USO1: variants seen among roughly 807,000 people sequenced by gnomAD.
USO1 encodes the protein general vesicular transport factor p115.
Under a neutral mutation model 124.5 loss-of-function variants are expected in USO1, and 57 were observed. The observed-to-expected ratio is 0.46, with a 90% confidence interval of 0.37 to 0.57. USO1 has a LOEUF of 0.57. USO1 is among the 20% of genes least tolerant of loss of function. USO1 has a pLI of 0.00. For missense variants in USO1, 900 were observed against 1,040.6 expected (o/e 0.86, Z 1.86); for synonymous variants, 369 against 362.8 (o/e 1.02, Z -0.19).
At chr4:75,725,011 C>G (rs752245468) in intron 1 of USO1, 126 bp downstream of exon 1, 8 of 923,986 alleles carry the variant, frequency 8.7e-6, no homozygotes, top group African/African-American at 5.0e-5. Context: ...GCCGCCTCCC[C>G]CTTTGCCCTC....
chr4:75,754,249 A>T (rs1222947073), intron 3 of USO1, among the ~76,000 whole-genome samples: 1 of 151,502 alleles, frequency 6.6e-6, no homozygotes, highest in Non-Finnish European at 1.5e-5. Context: ...ATGCCTGGCT[A>T]ATTTTGTATG....
intron 22 of USO1, among the ~76,000 whole-genome samples, chr4:75,811,193 C>G (rs945969244): frequency 6.7e-6 from 1 of 148,692 alleles, no homozygotes; most frequent in Non-Finnish European, 1.5e-5. Context: ...ATTTTGTGTT[C>G]CAGGCTGGAT....
chr4:75,746,330 T>C lies in USO1; in HGVS notation c.67-6043T>C, dbSNP rs1721126088. Reference sequence around the variant, plus strand: ...GCAAGGAAAGCCTGAAAATAGGATATAGGTGGACAGTCATGTGCCCAGCTA... The same window carrying C: ...GCAAGGAAAGCCTGAAAATAGGATACAGGTGGACAGTCATGTGCCCAGCTA... On this transcript the variant is annotated intron_variant, in intron 1 of 23. Coordinates refer to ENST00000514213, the MANE Select transcript of USO1 (RefSeq NM_003715.4). 3.3e-5 allele frequency among the ~76,000 whole-genome samples: 5 copies of C among 152,168 alleles called. No individual in the cohort carries two copies. In the South Asian group the frequency reaches 1.0e-3, roughly 32 times the overall value.
rs1447748488 is a variant in USO1 at position 75,800,735 on chromosome 4, C to T, written c.1800C>T (p.Asn600=). ...GAGCATCTCAGAAACCCCAGCCAAA[C>T]TTTCCCAGTCCAGAATACATGATAT... ...YSRASQKPQP[N]FPSPEYMIFD... The change falls in exon 16 of 24, where the codon AAC becomes AAT. Residue 600 remains asparagine (N), a synonymous_variant. Transcript: ENST00000514213. 6.2e-7 allele frequency: 1 copy of T among 1,612,724 alleles called. No individual in the cohort carries two copies. Among genetic ancestry groups the T allele is most frequent in the South Asian group, 1.1e-5 (1 of 90,660 alleles).
intron 1 of USO1, among the ~76,000 whole-genome samples, chr4:75,734,718 CTTTTTTTTT>C (rs55928639): frequency 1.9e-4 from 9 of 47,450 alleles, no homozygotes; most frequent in East Asian, 7.4e-4. Flanking sequence ...GGCAGTATGG[CTTTTTTTTT>C]TTTTTTTTTT....
At chr4:75,801,033 TATTTAAAAC>T (rs749030005) in intron 16 of USO1, 37 bp from the exon 17 acceptor site, 5 of 1,452,832 alleles carry the variant, frequency 3.4e-6, no homozygotes, top group East Asian at 5.0e-5. Context: ...AGTAAAATAG[TATTTAAAAC>T]ATTTAAAACA....
At position 75,782,871 on chromosome 4, in the gene USO1, T is replaced by C. The variant is rs1473393687; in HGVS notation, c.855+13T>C. ...TCTAATGCTACAGGTATACTATCCT[T>C]AGACATAAATGTGGTAAGAATTTTG... On this transcript the variant is annotated intron_variant, in intron 9 of 23. Transcript: ENST00000514213. 6.4e-7 allele frequency: 1 copy of C among 1,553,708 alleles called. No homozygotes were observed. Among genetic ancestry groups the C allele is most frequent in the Non-Finnish European group, 8.6e-7 (1 of 1,161,110 alleles).
intron 3 of USO1, among the ~76,000 whole-genome samples, chr4:75,757,036 G>T (rs556272578): frequency 9.9e-5 from 15 of 151,788 alleles, no homozygotes; most frequent in African/African-American, 3.6e-4. Context: ...TTTTAAAGTT[G>T]TACTTATTTT....
At chr4:75,739,736 A>G (rs568046191) in intron 1 of USO1, among the ~76,000 whole-genome samples, 21 of 151,758 alleles carry the variant, frequency 1.4e-4, no homozygotes, top group African/African-American at 4.8e-4. Context: ...TAGTAGAGAC[A>G]GGGTTTCACC....
Position 75,790,182 on chromosome 4 carries a change from C to T in USO1, c.1029C>T (p.Gly343=), listed in dbSNP as rs199872592. The T allele has an allele frequency of 1.3e-5, 21 of 1,604,662 alleles. No individual in the cohort carries two copies. In the Admixed American group the frequency reaches 3.4e-4, roughly 26 times the overall value. Residue 343 remains glycine (G), a synonymous_variant, in exon 11 of 24, where the codon GGC becomes GGT. Transcript: ENST00000514213. The part of the protein sequence containing the change: ...TINTVSEVIR[G]CQVNQDYFAS... Reference sequence around the variant, plus strand: ...ATACTGTATCAGAAGTTATTCGAGGCTGCCAAGTAAACCAAGACTACTTTG... The same window carrying T: ...ATACTGTATCAGAAGTTATTCGAGGTTGCCAAGTAAACCAAGACTACTTTG...
chr4:75,767,277 C>A (rs324717), intron 4 of USO1, among the ~76,000 whole-genome samples: 137,108 of 152,232 alleles, frequency 0.9, 61,873 homozygotes, highest in African/African-American at 0.97. Context: ...AGACCTCTCC[C>A]CTGAAGTTCA....
rs574069068 is a variant in USO1 at position 75,729,018 on chromosome 4, G to C, written c.66+4133G>C. Among the ~76,000 whole-genome samples the C allele has an allele frequency of 1.9e-3, 294 of 152,166 alleles. 3 individuals carry two copies. The highest frequency in any genetic ancestry group is 1.1e-3 in the Non-Finnish European group (73 of 68,010). ...TCACCGTGTTAACCAGGATGGTCTC[G>C]ATCTCCTGACTTCGTGATCCGCCTG... is the stretch of plus-strand genomic sequence containing the variant. On this transcript the variant is annotated intron_variant, in intron 1 of 23. Coordinates refer to ENST00000514213, the MANE Select transcript of USO1 (RefSeq NM_003715.4).
rs1256218905 is a variant in USO1, at chr4:75,743,699, C to G, written c.67-8674C>G. On this transcript the variant is annotated intron_variant, in intron 1 of 23. Transcript: ENST00000514213. ...CCAGTTGATTTTTTAGTTTGTTTTT[C>G]AAATTTCATCATAGGCCAGTAAATA... Among the ~76,000 whole-genome samples the G allele has an allele frequency of 3.9e-5, 6 of 152,222 alleles. No homozygotes were observed. In the East Asian group the frequency reaches 1.2e-3, roughly 29 times the overall value.
At chr4:75,727,836 C>T (rs1215996867) in intron 1 of USO1, among the ~76,000 whole-genome samples, 1 of 152,130 alleles carries the variant, frequency 6.6e-6, no homozygotes, top group East Asian at 1.9e-4. Flanking sequence ...TTAAATTCAT[C>T]ATCAGCGCCT....
chr4:75,797,466 A>G (rs1247277620), intron 13 of USO1, among the ~76,000 whole-genome samples: 2 of 58,236 alleles, frequency 3.4e-5, no homozygotes, highest in African/African-American at 1.1e-4. Context: ...TTCGTGATCC[A>G]TTATTCTCTC....
chr4:75,801,705 TCTA>T (rs1722855611), intron 17 of USO1, among the ~76,000 whole-genome samples: 1 of 152,232 alleles, frequency 6.6e-6, no homozygotes, highest in Non-Finnish European at 1.5e-5. Flanking sequence ...TCCACACCTG[TCTA>T]CTAATTGTGC....
chr4:75,796,341 C>CTT (rs533041107), intron 13 of USO1, among the ~76,000 whole-genome samples: 2 of 102,086 alleles, frequency 2.0e-5, no homozygotes, highest in East Asian at 7.7e-4. Flanking sequence ...CCATCATGCT[C>CTT]TTTTTTTTTT....
intron 1 of USO1, among the ~76,000 whole-genome samples, chr4:75,731,780 A>G (rs1720639576): frequency 6.6e-6 from 1 of 152,158 alleles, no homozygotes; most frequent in Non-Finnish European, 1.5e-5. Flanking sequence ...TAAATGATTG[A>G]TTGATTAGAG....
chr4:75,749,328 G>A (rs987792338), intron 1 of USO1, among the ~76,000 whole-genome samples: 3 of 151,748 alleles, frequency 2.0e-5, no homozygotes, highest in African/African-American at 7.2e-5. Flanking sequence ...AGATACGTAG[G>A]GTGCAAACAT....
Sources: gnomAD v4.1 joint callset for allele counts (sites outside exome capture counted in the v4.1 genomes callset) on GRCh38, gnomAD v4.1.1 for gene constraint, MANE v1.5 for transcripts, NCBI Gene and HGNC (gene_info 2026-07-23, HGNC 2026-07-21) for gene names.